Variants in RIMS1 observed in about 807,000 individuals in gnomAD.
RIMS1 encodes regulating synaptic membrane exocytosis protein 1.
RIMS1 carries 83 observed loss-of-function variants against 214.1 expected under a neutral mutation model. The ratio of observed to expected loss-of-function variants is 0.39; its 90% confidence interval spans 0.32 to 0.47. The LOEUF is 0.47. Among genes scored for constraint, RIMS1 ranks in the 20% least tolerant of loss-of-function variants. The pLI is 0.99. For missense variants in RIMS1, 2,050 were observed against 2,161.8 expected, an observed-to-expected ratio of 0.95 and a Z score of 1.03; for synonymous variants, 793 against 786.8, an observed-to-expected ratio of 1.01 and a Z score of -0.13.
At chr6:72,049,989 G>C (rs980874246) in intron 2 of RIMS1, among the ~76,000 whole-genome samples, 1 of 152,144 alleles carries the variant, frequency 6.6e-6, no homozygotes, top group African/African-American at 2.4e-5. Context: ...GGATGACTCT[G>C]CTTCCCAGAA....
intron 2 of RIMS1, among the ~76,000 whole-genome samples, chr6:72,004,008 A>C (rs2151760346): frequency 3.2e-5 from 4 of 123,296 alleles, no homozygotes; most frequent in African/African-American, 6.1e-5. Context: ...TCCTAATGCT[A>C]TCCCTCCCCC....
At position 72,307,479 on chromosome 6, in the gene RIMS1, C is replaced by T. The variant is rs544603015; in HGVS notation, c.3963+109C>T. On this transcript the variant is annotated intron_variant, in intron 27 of 33. Coordinates refer to ENST00000521978, the MANE Select transcript of RIMS1 (RefSeq NM_014989.7). ...TATATAAGAGAAGTTATCATTTGGG[C>T]CGGGCATGGTAGCTCACACCTGTAA... is the stretch of plus-strand genomic sequence containing the variant. 568 of 694,180 alleles carry T rather than the reference C, an allele frequency of 8.2e-4. 1 individual carries two copies. The highest frequency in any genetic ancestry group is 1.1e-3 in the Non-Finnish European group (483 of 433,148). 43.0% of individuals were successfully genotyped at this position (694,180 alleles called of 1,614,324 possible). A position where few individuals can be genotyped will look rare whatever the true frequency, so the allele number is the denominator to read the frequency against.
chr6:72,373,782 T>C (rs1031565692), intron 29 of RIMS1, among the ~76,000 whole-genome samples: 1 of 152,214 alleles, frequency 6.6e-6, no homozygotes, highest in Non-Finnish European at 1.5e-5. Flanking sequence ...TGAAGATTGG[T>C]AAACCTTAAT....
chr6:72,299,508 TG>T (rs1349245667), intron 26 of RIMS1, among the ~76,000 whole-genome samples: 2 of 151,874 alleles, frequency 1.3e-5, no homozygotes, highest in African/African-American at 4.8e-5. Context: ...TCATTAGGAT[TG>T]TCTCTAGTCA....
chr6:72,127,751 C>T (rs940842354), intron 4 of RIMS1, among the ~76,000 whole-genome samples: 2 of 152,156 alleles, frequency 1.3e-5, no homozygotes, highest in African/African-American at 2.4e-5. Context: ...AAATCTTCTC[C>T]ATGAAGGTAG....
chr6:72,268,027 GCAATTATTTTATGTAATGTAAAATAAA>G (rs1031155715), intron 22 of RIMS1, among the ~76,000 whole-genome samples: 10 of 151,986 alleles, frequency 6.6e-5, no homozygotes, highest in Admixed American at 1.3e-4. Context: ...AAGAAGAACA[GCAATTATTTTATGTAATGTAAAATAAA>G]CAATTATTTT....
At chr6:72,278,437 G>A (rs2087953167) in intron 23 of RIMS1, among the ~76,000 whole-genome samples, 1 of 152,008 alleles carries the variant, frequency 6.6e-6, no homozygotes, top group African/African-American at 2.4e-5. Context: ...CCTCAACCAA[G>A]AGTATCAAGT....
At chr6:72,145,443 C>T (rs1018215385) in intron 4 of RIMS1, among the ~76,000 whole-genome samples, 1 of 152,078 alleles carries the variant, frequency 6.6e-6, no homozygotes, top group African/African-American at 2.4e-5. Flanking sequence ...GAAAGCCTGT[C>T]TTTACTAAAA....
intron 2 of RIMS1, among the ~76,000 whole-genome samples, chr6:72,030,407 T>C (rs533560778): frequency 5.9e-5 from 9 of 152,298 alleles, no homozygotes; most frequent in African/African-American, 2.2e-4. Flanking sequence ...ACTTAAGCTG[T>C]TGTAGTGTTA....
intron 28 of RIMS1, among the ~76,000 whole-genome samples, chr6:72,327,889 T>C (rs748141641): frequency 6.6e-6 from 1 of 151,874 alleles, no homozygotes; most frequent in Non-Finnish European, 1.5e-5. Context: ...TTCTTTCTTC[T>C]CTGGGATTCT....
chr6:72,248,230 A>T, intron 12 of RIMS1, 103 bp downstream of exon 12: 1 of 637,384 alleles, frequency 1.6e-6, no homozygotes, highest in East Asian at 2.6e-5. Flanking sequence ...CAATAAATAC[A>T]TAGTCATTTA....
rs79206038 is a variant in RIMS1, at chr6:72,262,519, C to A, written c.3116+1752C>A. The A allele has an allele frequency of 1.6e-3, 1,589 of 985,218 alleles. 22 individuals are homozygous for A. In the African/African-American group the frequency reaches 0.025, roughly 16 times the overall value. 61.0% of individuals were successfully genotyped at this position (985,218 alleles called of 1,614,324 possible). A position where few individuals can be genotyped will look rare whatever the true frequency, so the allele number is the denominator to read the frequency against. ...ACATATGTCACCAGTGTCTTTTCTC[C>A]TTCCTGTCTTTCATTCTCTAATGTG... is the stretch of plus-strand genomic sequence containing the variant. On this transcript the variant is annotated intron_variant, in intron 19 of 33. Transcript: ENST00000521978.
rs563261094 is a variant in RIMS1 at position 71,909,844 on chromosome 6, T to C, written c.164+22657T>C. Among the ~76,000 whole-genome samples the C allele has an allele frequency of 2.0e-5, 3 of 152,144 alleles. No individual in the cohort carries two copies. The East Asian group carries it at 5.8e-4, about 29-fold the overall frequency. On this transcript the variant is annotated intron_variant, in intron 1 of 33. Coordinates refer to ENST00000521978, the MANE Select transcript of RIMS1 (RefSeq NM_014989.7). ...AGACTCTGCCTTTTATTAAATACAG[T>C]TTGGATTCTAAAATTTGCTTGCTGG...
chr6:72,368,865 A>G (rs1021844813), intron 29 of RIMS1, among the ~76,000 whole-genome samples: 1 of 152,096 alleles, frequency 6.6e-6, no homozygotes, highest in African/African-American at 2.4e-5. Flanking sequence ...GGGTGGTCAC[A>G]CTTGGTTGTT....
intron 2 of RIMS1, among the ~76,000 whole-genome samples, chr6:72,095,305 C>G (rs1019679891): frequency 6.6e-6 from 1 of 151,924 alleles, no homozygotes; most frequent in African/African-American, 2.4e-5. Flanking sequence ...GTAAGATTGC[C>G]GGTGCCATTT....
chr6:72,378,669 A>G (rs982450421), intron 29 of RIMS1, among the ~76,000 whole-genome samples: 1 of 151,966 alleles, frequency 6.6e-6, no homozygotes, highest in Admixed American at 6.6e-5. Context: ...GTCTCTACTA[A>G]AATAATAATA....
rs759388387 is a variant in RIMS1, at chr6:72,043,382, C to T, written c.246-53567C>T. 2.0e-5 allele frequency among the ~76,000 whole-genome samples: 3 copies of T among 151,716 alleles called. No homozygotes were observed. In the East Asian group the frequency reaches 5.8e-4, roughly 29 times the overall value. The stretch of plus-strand genomic sequence containing the variant: ...GAAAATCTTTTAAAAGAAAATCAAA[C>T]AATTATTCTTTATGTTTTGTATGGA... On this transcript the variant is annotated intron_variant, in intron 2 of 33. Transcript: ENST00000521978.
At chr6:72,090,502 A>G (rs1431477426) in intron 2 of RIMS1, among the ~76,000 whole-genome samples, 1 of 152,072 alleles carries the variant, frequency 6.6e-6, no homozygotes, top group Admixed American at 6.5e-5. Flanking sequence ...ACGATGTACA[A>G]ACATCATTAA....
chr6:72,390,610 A>G lies in RIMS1; in HGVS notation c.4379A>G (p.Lys1460Arg), dbSNP rs2098687620. 5 of 1,613,300 alleles carry G rather than the reference A, an allele frequency of 3.1e-6. No individual in the cohort carries two copies. Among genetic ancestry groups the G allele is most frequent in the African/African-American group, 1.3e-5 (1 of 74,926 alleles). The change falls in exon 30 of 34, where the codon AAA becomes AGA. Residue 1460 changes from lysine to arginine, a missense_variant. Lys to Arg is a conservative substitution (Grantham distance 26, BLOSUM62 2). Around this residue, in one of 6 missense-constraint regions of RIMS1, gnomAD observed 889 missense variants for 885.5 expected, o/e 1.00. Transcript: ENST00000521978. ...SQLSQTESGHKKLKSTIQRST... is the reference protein window; with the variant it reads ...SQLSQTESGHRKLKSTIQRST... ...TCTCTCCTGTCAGAGTCGGGCCACA[A>G]AAAGTTAAAAAGTACCATCCAGAGA... is the stretch of plus-strand genomic sequence containing the variant.
Sources: gnomAD v4.1 joint callset for allele counts (sites outside exome capture counted in the v4.1 genomes callset) on GRCh38, gnomAD v4.1.1 for gene constraint, gnomAD v4.1.1 regional missense constraint, MANE v1.5 for transcripts, NCBI Gene and HGNC (gene_info 2026-07-23, HGNC 2026-07-21) for gene names.